Variants in FAM161A observed in about 807,000 individuals in gnomAD.
FAM161A encodes protein FAM161A.
A neutral mutation model predicts 70.9 loss-of-function variants in FAM161A; 57 were observed. That is an observed-to-expected ratio of 0.80 (90% confidence interval 0.65 to 1.00). The LOEUF (loss-of-function observed/expected upper bound fraction) is 1.00. FAM161A is among the 50% of genes least tolerant of loss of function. The pLI, the probability that FAM161A is intolerant of heterozygous loss-of-function variation, is 0.00. For synonymous variants in FAM161A, 299 were observed against 295.7 expected, an observed-to-expected ratio of 1.01 and a Z score of -0.12; for missense variants, 880 against 836.0, an observed-to-expected ratio of 1.05 and a Z score of -0.65.
At chr2:61,821,155 C>T (rs1382421687), downstream of FAM161A, among the ~76,000 whole-genome samples, 3 of 151,696 alleles carry the variant, frequency 2.0e-5, no homozygotes, top group Admixed American at 6.6e-5. Flanking sequence ...CGGGTTCAAG[C>T]GATTCTCCTG....
chr2:61,802,333 C>T, the FAM161A span, among the ~76,000 whole-genome samples: 4 of 152,260 alleles, frequency 2.6e-5, no homozygotes, highest in East Asian at 7.7e-4. Flanking sequence ...ACCTCCAGCA[C>T]CATAGGTAAT....
intron 5 of FAM161A, among the ~76,000 whole-genome samples, chr2:61,830,501 T>G (rs1238191741): frequency 7.9e-5 from 12 of 151,488 alleles, no homozygotes; most frequent in Admixed American, 7.9e-4. Flanking sequence ...GCCAACATGG[T>G]GAAATCCCGT....
At chr2:61,807,919 A>G in the FAM161A span, among the ~76,000 whole-genome samples, 96 of 152,122 alleles carry the variant, frequency 6.3e-4, 1 homozygote, top group African/African-American at 2.2e-3. Context: ...GGGATTCCAG[A>G]TGTGAGCCAC....
intron 2 of FAM161A, among the ~76,000 whole-genome samples, chr2:61,840,860 C>A (rs1672997845): frequency 6.6e-6 from 1 of 152,150 alleles, no homozygotes; most frequent in Non-Finnish European, 1.5e-5. Context: ...CCAAGTTACC[C>A]AGGATGGTCT....
At chr2:61,836,346 A>G (rs1406875134) in intron 4 of FAM161A, 1 of 450,772 alleles carries the variant, frequency 2.2e-6, no homozygotes, top group Non-Finnish European at 4.0e-6. Flanking sequence ...GATCACACAT[A>G]TTATGCTCTA....
At chr2:61,831,261 G>C (rs557261930) in intron 5 of FAM161A, among the ~76,000 whole-genome samples, 12 of 151,260 alleles carry the variant, frequency 7.9e-5, no homozygotes, top group African/African-American at 1.9e-4. Flanking sequence ...CTTTAATTTA[G>C]CATTTATTTA....
the FAM161A span, among the ~76,000 whole-genome samples, chr2:61,802,240 G>A: frequency 5.3e-5 from 8 of 152,256 alleles, no homozygotes; most frequent in Non-Finnish European, 1.0e-4. Context: ...TACCCAGGAT[G>A]TGCTCCCACT....
At chr2:61,820,516 G>T, downstream of FAM161A, 2 of 750,222 alleles carry the variant, frequency 2.7e-6, no homozygotes, top group East Asian at 2.5e-5. Flanking sequence ...TGTGAAAAAG[G>T]TATTTGTTGC....
At chr2:61,817,833 G>A in the FAM161A span, among the ~76,000 whole-genome samples, 3 of 152,206 alleles carry the variant, frequency 2.0e-5, no homozygotes, top group Admixed American at 6.5e-5. Flanking sequence ...AGGTGCGGTG[G>A]CTTGCAGGAG....
the FAM161A span, among the ~76,000 whole-genome samples, chr2:61,805,498 A>C: frequency 6.6e-6 from 1 of 152,204 alleles, no homozygotes; most frequent in Non-Finnish European, 1.5e-5. Flanking sequence ...CCTGGGCAGC[A>C]GACCAAGACT....
intron 1 of FAM161A, among the ~76,000 whole-genome samples, chr2:61,849,943 C>A (rs1347155316): frequency 6.9e-6 from 1 of 143,948 alleles, no homozygotes; most frequent in East Asian, 2.2e-4. Flanking sequence ...ACATGGAAAC[C>A]ACAGACACTG....
chr2:61,815,535 C>CTTTTTT, the FAM161A span, among the ~76,000 whole-genome samples: 99 of 53,242 alleles, frequency 1.9e-3, 2 homozygotes, highest in Middle Eastern at 0.029. Flanking sequence ...AAAGATGTGT[C>CTTTTTT]TTTTTTTTTT....
chr2:61,803,480 A>G, the FAM161A span: 9 of 589,616 alleles, frequency 1.5e-5, no homozygotes, highest in Admixed American at 2.7e-5. Flanking sequence ...GAGTAAAGAT[A>G]TTGCAAGGAT....
the FAM161A span, among the ~76,000 whole-genome samples, chr2:61,811,402 C>A: frequency 6.6e-6 from 1 of 152,016 alleles, no homozygotes; most frequent in Non-Finnish European, 1.5e-5. Flanking sequence ...TAGATGGAGT[C>A]TCACTCTGTT....
the FAM161A span, among the ~76,000 whole-genome samples, chr2:61,812,597 C>T: frequency 6.6e-6 from 1 of 152,102 alleles, no homozygotes; most frequent in Non-Finnish European, 1.5e-5. Flanking sequence ...TGGTGGGTGC[C>T]TGCAATCTCA....
intron 5 of FAM161A, chr2:61,835,405 G>T (rs1474746676): frequency 6.6e-6 from 1 of 152,098 alleles, no homozygotes; most frequent in Admixed American, 6.5e-5. Flanking sequence ...AGACTAGTTT[G>T]TTTTTCGTAT....
chr2:61,840,624 G>A (rs1158445848), intron 2 of FAM161A, 43 bp from the exon 3 acceptor site: 6 of 1,366,478 alleles, frequency 4.4e-6, no homozygotes, highest in East Asian at 2.3e-5. Flanking sequence ...AGTTGTATGT[G>A]ACCAAATATA....
intron 5 of FAM161A, among the ~76,000 whole-genome samples, chr2:61,827,989 T>C (rs1052098823): frequency 6.6e-6 from 1 of 152,226 alleles, no homozygotes; most frequent in Non-Finnish European, 1.5e-5. Context: ...AAGTACATAT[T>C]GTATGATCTA....
the FAM161A span, among the ~76,000 whole-genome samples, chr2:61,808,274 AT>A: frequency 5.4e-3 from 771 of 141,992 alleles, 6 homozygotes; most frequent in African/African-American, 0.014. Context: ...TATTATTATT[AT>A]TTTTTTTTTT....
Sources: gnomAD v4.1 joint callset for allele counts (sites outside exome capture counted in the v4.1 genomes callset) on GRCh38, gnomAD v4.1.1 for gene constraint, MANE v1.5 for transcripts, NCBI Gene and HGNC (gene_info 2026-07-23, HGNC 2026-07-21) for gene names.